Variants in SLC24A3 observed in about 807,000 individuals in gnomAD.
SLC24A3 encodes the protein sodium/potassium/calcium exchanger 3.
In SLC24A3, 28 loss-of-function variants were observed where a neutral mutation model predicts 75.8. The observed-to-expected ratio is 0.37, with a 90% CI of 0.27 to 0.51. The LOEUF (loss-of-function observed/expected upper bound fraction) is 0.51. Ranked by LOEUF, SLC24A3 falls within the 20% of genes least tolerant of loss-of-function variation. The pLI is 0.94. For missense variants in SLC24A3, 663 were observed against 847.8 expected, an observed-to-expected ratio of 0.78 and a Z score of 2.71; for synonymous variants, 372 against 334.1, an observed-to-expected ratio of 1.11 and a Z score of -1.24.
At chr20:19,492,924 G>A (rs1011450421) in intron 2 of SLC24A3, among the ~76,000 whole-genome samples, 6 of 152,282 alleles carry the variant, frequency 3.9e-5, no homozygotes, top group African/African-American at 1.2e-4. Context: ...CAGCCATAGC[G>A]ATGGGATTTC....
At chr20:19,678,518 C>T (rs2032559479) in intron 9 of SLC24A3, among the ~76,000 whole-genome samples, 1 of 141,830 alleles carries the variant, frequency 7.1e-6, no homozygotes, top group Non-Finnish European at 1.6e-5. Flanking sequence ...GGGGGCTGAC[C>T]CCCCAACCTC....
At chr20:19,658,563 C>G (rs565724859) in intron 7 of SLC24A3, among the ~76,000 whole-genome samples, 1 of 152,188 alleles carries the variant, frequency 6.6e-6, no homozygotes, top group African/African-American at 2.4e-5. Context: ...ATTATAATTT[C>G]AAAAACATAA....
intron 2 of SLC24A3, among the ~76,000 whole-genome samples, chr20:19,343,508 A>G (rs1985322904): frequency 6.6e-6 from 1 of 152,070 alleles, no homozygotes; most frequent in African/African-American, 2.4e-5. Flanking sequence ...ATTACGGCAG[A>G]TATTGTTTTG....
intron 3 of SLC24A3, among the ~76,000 whole-genome samples, chr20:19,578,002 A>T (rs2031165350): frequency 6.6e-6 from 1 of 152,178 alleles, no homozygotes. Context: ...TATGGAAGAG[A>T]CCAAACATAT....
chr20:19,589,977 C>A (rs2031351156), intron 6 of SLC24A3, among the ~76,000 whole-genome samples: 1 of 152,070 alleles, frequency 6.6e-6, no homozygotes, highest in Admixed American at 6.5e-5. Context: ...CAGATGTTAT[C>A]ATTGCATTCT....
chr20:19,591,616 C>A (rs2031378596), intron 6 of SLC24A3, among the ~76,000 whole-genome samples: 1 of 152,104 alleles, frequency 6.6e-6, no homozygotes, highest in Non-Finnish European at 1.5e-5. Context: ...CCCCATCCCC[C>A]CATAGCATCA....
chr20:19,514,954 C>T (rs943256703), intron 2 of SLC24A3, among the ~76,000 whole-genome samples: 2 of 152,150 alleles, frequency 1.3e-5, no homozygotes, highest in African/African-American at 4.8e-5. Flanking sequence ...AAATGAAGAC[C>T]CACTTAGAGC....
intron 2 of SLC24A3, among the ~76,000 whole-genome samples, chr20:19,462,180 C>A (rs1475204974): frequency 2.0e-5 from 3 of 152,160 alleles, no homozygotes; most frequent in African/African-American, 7.2e-5. Context: ...CCCCTCAGAG[C>A]CCCCTGGAGG....
intron 2 of SLC24A3, among the ~76,000 whole-genome samples, chr20:19,440,261 C>T (rs1440339623): frequency 6.6e-6 from 1 of 152,206 alleles, no homozygotes; most frequent in East Asian, 1.9e-4. Flanking sequence ...TGCATCCACT[C>T]ACCTTATCTG....
At chr20:19,573,982 C>G (rs920324846) in intron 3 of SLC24A3, among the ~76,000 whole-genome samples, 2 of 152,234 alleles carry the variant, frequency 1.3e-5, no homozygotes, top group Non-Finnish European at 2.9e-5. Context: ...TTGGGTACTT[C>G]CAACTGGACC....
intron 2 of SLC24A3, among the ~76,000 whole-genome samples, chr20:19,485,648 T>A (rs1421391613): frequency 2.0e-5 from 3 of 152,092 alleles, no homozygotes; most frequent in African/African-American, 7.2e-5. Flanking sequence ...ATACATACAC[T>A]TTTTTAGAGT....
At chr20:19,401,542 A>AT (rs11087282) in intron 2 of SLC24A3, among the ~76,000 whole-genome samples, 75,933 of 151,934 alleles carry the variant, frequency 0.5, 19,101 homozygotes, top group Middle Eastern at 0.6. Context: ...ATACTGAACA[A>AT]GGAAAGGTTA....
chr20:19,248,367 A>T lies in SLC24A3; in HGVS notation c.143-32592A>T, dbSNP rs187103870. ...GTGCAATATCATCTAAATAATTAATAAAAAAATGACGATGGTTTTGTAAAC... is the reference window on the plus strand; with the variant it reads ...GTGCAATATCATCTAAATAATTAATTAAAAAATGACGATGGTTTTGTAAAC... On this transcript the variant is annotated intron_variant, in intron 1 of 16. Transcript: ENST00000328041. Among the ~76,000 whole-genome samples, 399 of 152,256 alleles carry T rather than the reference A, an allele frequency of 2.6e-3. 1 individual carries two copies. The highest frequency in any genetic ancestry group is 9.1e-3 in the African/African-American group (378 of 41,536).
At chr20:19,273,979 A>G (rs1215702548) in intron 1 of SLC24A3, among the ~76,000 whole-genome samples, 4 of 151,078 alleles carry the variant, frequency 2.6e-5, no homozygotes, top group Non-Finnish European at 5.9e-5. Flanking sequence ...CCAAAGGCGA[A>G]GAGGGGAGAA....
chr20:19,510,866 G>A (rs1988524775), intron 2 of SLC24A3, among the ~76,000 whole-genome samples: 1 of 152,178 alleles, frequency 6.6e-6, no homozygotes, highest in South Asian at 2.1e-4. Flanking sequence ...GGGCAGACAT[G>A]GGGCATTCCT....
chr20:19,616,400 C>T (rs2031736907), intron 6 of SLC24A3, among the ~76,000 whole-genome samples: 1 of 152,260 alleles, frequency 6.6e-6, no homozygotes, highest in South Asian at 2.1e-4. Context: ...GTGTGCTTTA[C>T]AGCCCTCTAG....
chr20:19,234,372 A>G (rs1027715640), intron 1 of SLC24A3, among the ~76,000 whole-genome samples: 1 of 152,230 alleles, frequency 6.6e-6, no homozygotes, highest in Admixed American at 6.5e-5. Flanking sequence ...GCTGTGAAAC[A>G]GGGCAGCCAG....
At chr20:19,678,589 G>A (rs1470681573) in intron 9 of SLC24A3, among the ~76,000 whole-genome samples, 15 of 144,372 alleles carry the variant, frequency 1.0e-4, no homozygotes, top group Middle Eastern at 3.9e-3. Flanking sequence ...AGGGGCGGCT[G>A]GGCAGAGGCG....
At chr20:19,395,286 A>G (rs1042552636) in intron 2 of SLC24A3, among the ~76,000 whole-genome samples, 1 of 152,210 alleles carries the variant, frequency 6.6e-6, no homozygotes, top group African/African-American at 2.4e-5. Context: ...CGTATACTTA[A>G]CACTACAGAC....
Sources: gnomAD v4.1 joint callset for allele counts (sites outside exome capture counted in the v4.1 genomes callset) on GRCh38, gnomAD v4.1.1 for gene constraint, MANE v1.5 for transcripts, NCBI Gene and HGNC (gene_info 2026-07-23, HGNC 2026-07-21) for gene names.